MESD: variants seen among roughly 807,000 people sequenced by gnomAD.
The protein encoded by MESD is LRP chaperone MESD.
In MESD, 7 loss-of-function variants were observed where a neutral mutation model predicts 12.9. That is an observed-to-expected ratio of 0.54 (90% CI 0.31 to 1.02). The LOEUF (loss-of-function observed/expected upper bound fraction) is 1.02, where lower values mean the gene tolerates loss of function less well. Ranked by LOEUF, MESD falls within the 50% of genes least tolerant of loss-of-function variation. The pLI, the probability that MESD is intolerant of heterozygous loss-of-function variation, is 0.05. For missense variants in MESD, 342 were observed against 296.7 expected, an observed-to-expected ratio of 1.15 and a Z score of -1.12; for synonymous variants, 126 against 115.6, an observed-to-expected ratio of 1.09 and a Z score of -0.58.
In MESD at chr15:80,984,048, G is replaced by T. The variant is rs555925084; in HGVS notation, c.214-1866C>A. ...CCCGAGTAGCTGGGATTATAGGCACGCACCACCACATCCAGCTAATTTTTG... is the reference window on the plus strand; with the variant it reads ...CCCGAGTAGCTGGGATTATAGGCACTCACCACCACATCCAGCTAATTTTTG... On this transcript the variant is annotated intron_variant, in intron 1 of 2. Transcript: ENST00000261758. Among the ~76,000 whole-genome samples, 619 of 151,806 alleles carry T rather than the reference G, an allele frequency of 4.1e-3. 2 individuals carry two copies. The highest frequency in any genetic ancestry group is 0.014 in the African/African-American group (580 of 41,384).
chr15:80,989,135 A>C (rs1438796715), intron 1 of MESD, among the ~76,000 whole-genome samples: 1 of 152,202 alleles, frequency 6.6e-6, no homozygotes, highest in Non-Finnish European at 1.5e-5. Flanking sequence ...CCATTAAGGA[A>C]GACCATCTTC....
At chr15:80,946,790 T>C (rs777419227), downstream of MESD, 46 of 650,998 alleles carry the variant, frequency 7.1e-5, no homozygotes, top group Non-Finnish European at 1.2e-4. Context: ...CGTCACCACA[T>C]GGAAAGAGCC....
chr15:80,948,976 G>A, intron 4 of MESD: 1 of 1,612,230 alleles, frequency 6.2e-7, no homozygotes, highest in East Asian at 2.2e-5. Flanking sequence ...GGTGACTCTT[G>A]GCAGCAGACC....
intron 3 of MESD, among the ~76,000 whole-genome samples, chr15:80,964,650 G>A (rs1409760653): frequency 6.6e-6 from 1 of 152,194 alleles, no homozygotes; most frequent in Non-Finnish European, 1.5e-5. Context: ...AGAGGCCTGA[G>A]AAATAACACC....
intron 3 of MESD, among the ~76,000 whole-genome samples, chr15:80,955,302 G>A (rs1381310013): frequency 9.3e-5 from 14 of 149,994 alleles, no homozygotes; most frequent in African/African-American, 3.4e-4. Context: ...TAGCTAACAC[G>A]GTGAAACCCT....
At chr15:80,989,100 C>T (rs375040883) in intron 1 of MESD, among the ~76,000 whole-genome samples, 62 of 152,320 alleles carry the variant, frequency 4.1e-4, no homozygotes, top group African/African-American at 1.3e-3. Context: ...TAAAATTATA[C>T]TGATTTAGAA....
downstream of MESD, among the ~76,000 whole-genome samples, chr15:80,972,220 G>A (rs1902303359): frequency 6.6e-6 from 1 of 152,118 alleles, no homozygotes; most frequent in African/African-American, 2.4e-5. Flanking sequence ...GTTTCTCATA[G>A]GAATACAGAG....
chr15:80,968,741 T>G (rs1902225853), intron 3 of MESD, among the ~76,000 whole-genome samples: 1 of 152,232 alleles, frequency 6.6e-6, no homozygotes, highest in Non-Finnish European at 1.5e-5. Flanking sequence ...GGAACTTTTA[T>G]TAGCACCTAC....
chr15:80,983,521 C>T (rs1030926027), intron 1 of MESD, among the ~76,000 whole-genome samples: 2 of 152,022 alleles, frequency 1.3e-5, no homozygotes, highest in Admixed American at 6.6e-5. Context: ...AAGAATGAGC[C>T]CTGTGGTATT....
downstream of MESD, chr15:80,946,998 C>T (rs148524452): frequency 3.0e-5 from 48 of 1,613,520 alleles, no homozygotes; most frequent in South Asian, 1.5e-4. Context: ...AGGGAAGATA[C>T]GTCTCCAGAG....
At chr15:80,967,414 T>G (rs1902196595) in intron 3 of MESD, among the ~76,000 whole-genome samples, 1 of 152,202 alleles carries the variant, frequency 6.6e-6, no homozygotes, top group East Asian at 1.9e-4. Flanking sequence ...AGGGACCTCC[T>G]TTGCATTAGA....
At chr15:80,981,583 T>C (rs1332230779) in intron 2 of MESD, among the ~76,000 whole-genome samples, 2 of 151,746 alleles carry the variant, frequency 1.3e-5, no homozygotes, top group Admixed American at 6.6e-5. Flanking sequence ...GGGCCAGGTG[T>C]GGTGGCTCAC....
downstream of MESD, chr15:80,947,294 A>G: frequency 2.0e-6 from 1 of 511,168 alleles, no homozygotes; most frequent in Non-Finnish European, 3.5e-6. Context: ...GCCACCAGCC[A>G]CTGAAAGAAA....
exon 5 of MESD, chr15:80,948,778 ACTC>A (rs1442433346): frequency 1.9e-6 from 3 of 1,613,608 alleles, no homozygotes; most frequent in Admixed American, 1.7e-5. Flanking sequence ...TGCTCAGGAG[ACTC>A]ATCATTGCTT....
At chr15:80,984,907 C>T (rs761271344) in intron 1 of MESD, among the ~76,000 whole-genome samples, 4 of 152,178 alleles carry the variant, frequency 2.6e-5, no homozygotes, top group Admixed American at 6.5e-5. Flanking sequence ...AAGAATTCTA[C>T]GCAGTGCTTG....
At chr15:80,971,135 A>G (rs1197453747), downstream of MESD, among the ~76,000 whole-genome samples, 1 of 152,170 alleles carries the variant, frequency 6.6e-6, no homozygotes, top group East Asian at 1.9e-4. Context: ...ATATTTGTCA[A>G]CTGCTACCCC....
At position 80,976,897 on chromosome 15, in the gene MESD, G is replaced by A. The variant is rs1178587428; in HGVS notation, c.*2322C>T. The A allele has an allele frequency of 6.6e-6, 1 of 152,248 alleles. No homozygotes were observed. The highest frequency in any genetic ancestry group is 1.5e-5 in the Non-Finnish European group (1 of 68,110). 9.4% of individuals were successfully genotyped at this position (152,248 alleles called of 1,614,324 possible). ...CTGATGTAGGACACCTTCAGCTATG[G>A]CCTGCACTACTGAAGCACCTCCCAG... On this transcript the variant is annotated 3_prime_UTR_variant, in exon 3 of 3. Coordinates refer to ENST00000261758, the MANE Select transcript of MESD (RefSeq NM_015154.3).
At chr15:80,956,966 G>A (rs1383232028) in intron 3 of MESD, among the ~76,000 whole-genome samples, 5 of 152,170 alleles carry the variant, frequency 3.3e-5, no homozygotes, top group East Asian at 1.9e-4. Context: ...ACAGGCTCAC[G>A]CTACCATGCC....
At chr15:80,970,048 C>G (rs1389551638) in intron 3 of MESD, among the ~76,000 whole-genome samples, 2 of 152,124 alleles carry the variant, frequency 1.3e-5, no homozygotes, top group African/African-American at 4.8e-5. Flanking sequence ...AAGATAATCC[C>G]TTGGATTTCC....
Sources: gnomAD v4.1 joint callset for allele counts (sites outside exome capture counted in the v4.1 genomes callset) on GRCh38, gnomAD v4.1.1 for gene constraint, MANE v1.5 for transcripts, NCBI Gene and HGNC (gene_info 2026-07-23, HGNC 2026-07-21) for gene names.